Variants in TNNI3K observed in about 807,000 individuals in gnomAD.
TNNI3K encodes the protein TNNI3 interacting kinase.
In TNNI3K, 140 loss-of-function variants were observed where a neutral mutation model predicts 114.5. The ratio of observed to expected loss-of-function variants is 1.22; its 90% confidence interval spans 1.07 to 1.41. TNNI3K has a LOEUF of 1.41. TNNI3K is among the 40% of genes most tolerant of loss of function. The pLI is 0.00. For missense variants in TNNI3K, 1,125 were observed against 1,007.6 expected, an observed-to-expected ratio of 1.12 and a Z score of -1.58; for synonymous variants, 347 against 347.5, an observed-to-expected ratio of 1.00 and a Z score of 0.02.
intron 5 of TNNI3K, among the ~76,000 whole-genome samples, chr1:74,287,447 T>G (rs371595650): frequency 2.4e-4 from 36 of 152,210 alleles, no homozygotes; most frequent in African/African-American, 8.7e-4. Context: ...AGAGAAAGAA[T>G]TTTGAAAGCA....
At chr1:74,516,512 A>G (rs1033517758) in intron 23 of TNNI3K, among the ~76,000 whole-genome samples, 1 of 152,192 alleles carries the variant, frequency 6.6e-6, no homozygotes, top group East Asian at 1.9e-4. Context: ...GTGAGAAAGA[A>G]GTTCATTGTG....
intron 17 of TNNI3K, among the ~76,000 whole-genome samples, chr1:74,402,337 A>G (rs568937297): frequency 6.6e-6 from 1 of 152,320 alleles, no homozygotes; most frequent in East Asian, 1.9e-4. Flanking sequence ...GAACTATGAC[A>G]AAGCAAGGAA....
At chr1:74,432,800 T>C (rs1336027918) in intron 17 of TNNI3K, among the ~76,000 whole-genome samples, 2 of 152,056 alleles carry the variant, frequency 1.3e-5, no homozygotes, top group Non-Finnish European at 2.9e-5. Context: ...CATCTAATTA[T>C]AGCAGTCCTG....
rs115863419 is a variant in TNNI3K, at chr1:74,467,023, T to G, written c.2121+3473T>G. Reference sequence around the variant, plus strand: ...TACTAAAACAATACTACTCGCAAGTTGGGGGACAAAGACAGAATGCAGGTT... The same window carrying G: ...TACTAAAACAATACTACTCGCAAGTGGGGGGACAAAGACAGAATGCAGGTT... On this transcript the variant is annotated intron_variant, in intron 21 of 24. Coordinates refer to ENST00000326637, the MANE Select transcript of TNNI3K (RefSeq NM_015978.3). Among the ~76,000 whole-genome samples the G allele has an allele frequency of 6.6e-3, 1,001 of 152,232 alleles. 3 individuals carry two copies. Among genetic ancestry groups the G allele is most frequent in the Non-Finnish European group, 0.011 (716 of 68,018 alleles).
chr1:74,279,693 T>G (rs1656887095), intron 5 of TNNI3K, among the ~76,000 whole-genome samples: 1 of 152,224 alleles, frequency 6.6e-6, no homozygotes, highest in South Asian at 2.1e-4. Flanking sequence ...TAGTAACTAT[T>G]AAAGTGGCAT....
At chr1:74,465,563 G>C (rs1667639132) in intron 21 of TNNI3K, among the ~76,000 whole-genome samples, 1 of 152,144 alleles carries the variant, frequency 6.6e-6, no homozygotes, top group African/African-American at 2.4e-5. Flanking sequence ...CTCCTGCGTG[G>C]CCCGAGCCTC....
intron 11 of TNNI3K, among the ~76,000 whole-genome samples, chr1:74,361,422 T>G (rs1334022296): frequency 6.8e-4 from 103 of 152,124 alleles, no homozygotes; most frequent in Non-Finnish European, 1.0e-4. Flanking sequence ...TTATGTAATT[T>G]TTTCCACTAG....
intron 21 of TNNI3K, among the ~76,000 whole-genome samples, chr1:74,487,016 G>A (rs1418353309): frequency 1.3e-5 from 2 of 152,128 alleles, no homozygotes; most frequent in Admixed American, 6.5e-5. Context: ...TTGCAAATGG[G>A]AGAAGGGGAA....
chr1:74,358,502 A>G (rs963044989), intron 11 of TNNI3K, among the ~76,000 whole-genome samples: 3 of 152,124 alleles, frequency 2.0e-5, no homozygotes, highest in African/African-American at 7.2e-5. Context: ...ACAGTAAAAA[A>G]ATAACTGAGA....
intron 5 of TNNI3K, among the ~76,000 whole-genome samples, chr1:74,330,140 G>A (rs1570473104): frequency 2.0e-5 from 3 of 152,064 alleles, no homozygotes; most frequent in South Asian, 4.1e-4. Flanking sequence ...ATATTAACAA[G>A]TTTGTTGTGA....
intron 20 of TNNI3K, among the ~76,000 whole-genome samples, chr1:74,456,235 G>C (rs919357460): frequency 1.3e-5 from 2 of 152,116 alleles, no homozygotes; most frequent in Non-Finnish European, 2.9e-5. Context: ...GGGAGCACAA[G>C]GGAAATGAGG....
intron 23 of TNNI3K, among the ~76,000 whole-genome samples, chr1:74,529,542 G>T (rs989823308): frequency 3.3e-5 from 5 of 152,186 alleles, no homozygotes; most frequent in Admixed American, 6.6e-5. Context: ...TATAAAAAGC[G>T]TTATTGAGAT....
At chr1:74,463,299 GA>G in intron 20 of TNNI3K, 141 bp from the exon 21 acceptor site, 3 of 792,734 alleles carry the variant, frequency 3.8e-6, no homozygotes, top group South Asian at 1.7e-5. Context: ...ACCATTGGGG[GA>G]AAAAAGCCTA....
intron 4 of TNNI3K, among the ~76,000 whole-genome samples, chr1:74,268,778 A>C (rs1656170337): frequency 6.6e-6 from 1 of 151,824 alleles, no homozygotes; most frequent in African/African-American, 2.4e-5. Flanking sequence ...CCTGCCTTAT[A>C]TGCAGCTCAA....
chr1:74,317,979 C>T (rs192731137), intron 5 of TNNI3K, among the ~76,000 whole-genome samples: 44 of 152,310 alleles, frequency 2.9e-4, no homozygotes, highest in Admixed American at 5.2e-4. Flanking sequence ...ATAGCCACCT[C>T]GCTTTCTCCA....
At chr1:74,343,825 G>A (rs182961755) in intron 9 of TNNI3K, among the ~76,000 whole-genome samples, 2 of 152,140 alleles carry the variant, frequency 1.3e-5, no homozygotes, top group South Asian at 2.1e-4. Flanking sequence ...GAAAGAAAAG[G>A]TTGCTAATAA....
intron 17 of TNNI3K, chr1:74,371,483 A>C (rs1265989062): frequency 6.6e-6 from 1 of 151,556 alleles, no homozygotes; most frequent in African/African-American, 2.4e-5. Context: ...GGATTCTAAC[A>C]ACAACTCTAT....
At chr1:74,442,737 TA>T (rs770274940) in intron 20 of TNNI3K, among the ~76,000 whole-genome samples, 32 of 152,110 alleles carry the variant, frequency 2.1e-4, no homozygotes, top group Non-Finnish European at 3.8e-4. Flanking sequence ...ATGTTACTCT[TA>T]AAAATATCAA....
chr1:74,398,709 T>A (rs74093531), intron 17 of TNNI3K, among the ~76,000 whole-genome samples: 21 of 152,058 alleles, frequency 1.4e-4, no homozygotes, highest in Admixed American at 1.2e-3. Context: ...AAATATTGAT[T>A]CAGACGATGG....
Sources: gnomAD v4.1 joint callset for allele counts (sites outside exome capture counted in the v4.1 genomes callset) on GRCh38, gnomAD v4.1.1 for gene constraint, MANE v1.5 for transcripts, NCBI Gene and HGNC (gene_info 2026-07-23, HGNC 2026-07-21) for gene names.